Variants in TCF7L1 observed in about 807,000 individuals in gnomAD.
TCF7L1 encodes transcription factor 7-like 1.
A neutral mutation model predicts 63.7 loss-of-function variants in TCF7L1; 18 were observed. The observed-to-expected ratio is 0.28, with a 90% CI of 0.20 to 0.42. TCF7L1 has a LOEUF of 0.42. Among genes scored for constraint, TCF7L1 ranks in the 10% least tolerant of loss-of-function variants. TCF7L1 has a pLI of 1.00. For synonymous variants in TCF7L1, 355 were observed against 340.9 expected, an observed-to-expected ratio of 1.04 and a Z score of -0.46; for missense variants, 654 against 779.3, an observed-to-expected ratio of 0.84 and a Z score of 1.91.
intron 5 of TCF7L1, 82 bp from the exon 6 acceptor site, chr2:85,303,813 G>A (rs990074874): frequency 2.2e-5 from 24 of 1,082,082 alleles, no homozygotes; most frequent in Non-Finnish European, 3.3e-5. Context: ...AGGGACATAG[G>A]GCAGGATGCT....
rs6741339 is a variant in TCF7L1, at chr2:85,305,082, C to G, written c.846-178C>G. On this transcript the variant is annotated intron_variant, in intron 7 of 11. Transcript: ENST00000282111. ...GGGTGTTGGTGGGGAGAAGGAAGAG[C>G]CATTAAGCATCTCCCAAACCTGGTT... is the stretch of plus-strand genomic sequence containing the variant. Among the ~76,000 whole-genome samples the G allele has an allele frequency of 0.79, 120,055 of 152,028 alleles. 48,370 individuals carry two copies. Among genetic ancestry groups the G allele is most frequent in the East Asian group, 0.94 (4,847 of 5,168 alleles).
chr2:85,281,255 C>T (rs986298110), intron 3 of TCF7L1, among the ~76,000 whole-genome samples: 1 of 152,074 alleles, frequency 6.6e-6, no homozygotes, highest in Non-Finnish European at 1.5e-5. Context: ...GAACTCTTGA[C>T]CTCGAATGAT....
chr2:85,230,931 A>G (rs6751795), intron 3 of TCF7L1, among the ~76,000 whole-genome samples: 13,126 of 152,220 alleles, frequency 0.086, 1,020 homozygotes, highest in African/African-American at 0.21. Context: ...ACAAATGCCT[A>G]AAACTTTCCA....
chr2:85,305,460 G>A (rs1682084978), intron 8 of TCF7L1, 57 bp downstream of exon 8: 5 of 1,550,702 alleles, frequency 3.2e-6, no homozygotes, highest in Non-Finnish European at 3.5e-6. Context: ...GGGAGGGGTG[G>A]CCACACTCTG....
intron 3 of TCF7L1, among the ~76,000 whole-genome samples, chr2:85,169,149 ACT>A (rs1449170265): frequency 1.3e-5 from 2 of 151,904 alleles, no homozygotes; most frequent in Non-Finnish European, 2.9e-5. Flanking sequence ...TCCCTGTGTA[ACT>A]CTCAAGGCTT....
At position 85,133,655 on chromosome 2, in the gene TCF7L1, A is replaced by G. The variant is rs1387143108; in HGVS notation, c.-30A>G. ...AGGGCGCGGGCGGCTAGGGGCTCCGAGAGCGGCGGCCCCGGCCCGCGGCCC... is the reference window on the plus strand; with the variant it reads ...AGGGCGCGGGCGGCTAGGGGCTCCGGGAGCGGCGGCCCCGGCCCGCGGCCC... On this transcript the variant is annotated 5_prime_UTR_variant, in exon 1 of 12. Transcript: ENST00000282111. The surrounding 1 kb of genome is among the most constrained non-coding windows in gnomAD (Gnocchi z 4.4). 5.6e-6 allele frequency: 5 copies of G among 899,050 alleles called. No homozygotes were observed. The African/African-American group carries it at 9.1e-5, about 16-fold the overall frequency. The allele number at this position is 899,050 out of a possible 1,614,324, so 55.7% of individuals were successfully genotyped here. A position where few individuals can be genotyped will look rare whatever the true frequency, so the allele number is the denominator to read the frequency against.
At position 85,306,109 on chromosome 2, in the gene TCF7L1, C is replaced by G; in HGVS notation, c.990-97C>G. On this transcript the variant is annotated intron_variant, in intron 8 of 11. Transcript: ENST00000282111. The surrounding 1 kb of genome is among the most constrained non-coding windows in gnomAD (Gnocchi z 4.3). ...AATTAGCATCCAGGCAGCCCGCGCCCCTCCCCAGAGACAATCAGCGGTGTT... is the reference window on the plus strand; with the variant it reads ...AATTAGCATCCAGGCAGCCCGCGCCGCTCCCCAGAGACAATCAGCGGTGTT... The G allele has an allele frequency of 6.6e-7, 1 of 1,506,032 alleles. No individual in the cohort carries two copies. Among genetic ancestry groups the G allele is most frequent in the African/African-American group, 1.4e-5 (1 of 72,732 alleles). The allele number at this position is 1,506,032 out of a possible 1,614,324, so 93.3% of individuals were successfully genotyped here.
At chr2:85,226,813 C>T (rs201003548) in intron 3 of TCF7L1, among the ~76,000 whole-genome samples, 4 of 147,678 alleles carry the variant, frequency 2.7e-5, no homozygotes, top group Admixed American at 1.3e-4. Flanking sequence ...TATCTCCCCC[C>T]GCCTTTTTTT....
At chr2:85,197,437 A>C (rs563655842) in intron 3 of TCF7L1, among the ~76,000 whole-genome samples, 113 of 152,320 alleles carry the variant, frequency 7.4e-4, no homozygotes, top group African/African-American at 2.6e-3. Flanking sequence ...GGGGTGGCAC[A>C]AATAGGCAGA....
In TCF7L1 at chr2:85,134,170, G is replaced by T; in HGVS notation, c.313+91G>T. 2 of 1,547,764 alleles carry T rather than the reference G, an allele frequency of 1.3e-6. No individual in the cohort carries two copies. The highest frequency in any genetic ancestry group is 8.7e-7 in the Non-Finnish European group (1 of 1,143,502). ...GGCCCACCGTCCCCCTTGCTTGGGTGGACGCACCCTTGCCCTCCGCCTTTA... is the reference window on the plus strand; with the variant it reads ...GGCCCACCGTCCCCCTTGCTTGGGTTGACGCACCCTTGCCCTCCGCCTTTA... On this transcript the variant is annotated intron_variant, in intron 2 of 11. Coordinates refer to ENST00000282111, the MANE Select transcript of TCF7L1 (RefSeq NM_031283.3). The surrounding 1 kb of genome is among the most constrained non-coding windows in gnomAD (Gnocchi z 5.0).
At chr2:85,194,497 T>C (rs1299906523) in intron 3 of TCF7L1, among the ~76,000 whole-genome samples, 1 of 152,130 alleles carries the variant, frequency 6.6e-6, no homozygotes, top group Non-Finnish European at 1.5e-5. Flanking sequence ...AGGAGAAATA[T>C]GAATTTGGAC....
At chr2:85,217,822 C>G (rs1264559376) in intron 3 of TCF7L1, among the ~76,000 whole-genome samples, 1 of 152,088 alleles carries the variant, frequency 6.6e-6, no homozygotes, top group East Asian at 1.9e-4. Flanking sequence ...TCTGACATGC[C>G]CCAGTCAGCA....
intron 4 of TCF7L1, among the ~76,000 whole-genome samples, chr2:85,298,112 C>T (rs1420772024): frequency 7.4e-6 from 1 of 135,970 alleles, no homozygotes; most frequent in Non-Finnish European, 1.5e-5. Flanking sequence ...CATGTGCCAC[C>T]ACGCCTGGCT....
chr2:85,238,825 ATTTATTTT>A (rs1450508639), intron 3 of TCF7L1, among the ~76,000 whole-genome samples: 1 of 81,446 alleles, frequency 1.2e-5, no homozygotes, highest in Non-Finnish European at 2.5e-5. Context: ...TTATTTATTT[ATTTATTTT>A]TCTTGAGACA....
At chr2:85,276,187 G>C (rs1681265428) in intron 3 of TCF7L1, among the ~76,000 whole-genome samples, 1 of 152,182 alleles carries the variant, frequency 6.6e-6, no homozygotes, top group Non-Finnish European at 1.5e-5. Context: ...TCCCAATTGG[G>C]AAAGCTTTTC....
intron 4 of TCF7L1, among the ~76,000 whole-genome samples, chr2:85,297,282 A>G (rs1300506616): frequency 3.3e-5 from 5 of 152,092 alleles, no homozygotes; most frequent in Non-Finnish European, 7.4e-5. Flanking sequence ...TCTCTCTCCT[A>G]TTGCCCTGCA....
intron 3 of TCF7L1, among the ~76,000 whole-genome samples, chr2:85,220,696 A>G (rs1679822553): frequency 6.6e-6 from 1 of 152,246 alleles, no homozygotes; most frequent in Non-Finnish European, 1.5e-5. Context: ...AGTTTATTCC[A>G]TAACTATAAA....
intron 3 of TCF7L1, among the ~76,000 whole-genome samples, chr2:85,226,720 G>A (rs996408871): frequency 6.6e-6 from 1 of 151,802 alleles, no homozygotes; most frequent in Non-Finnish European, 1.5e-5. Flanking sequence ...TGATCCCAGA[G>A]CCATCTCTCA....
chr2:85,236,915 C>T (rs533226627), intron 3 of TCF7L1, among the ~76,000 whole-genome samples: 4 of 152,290 alleles, frequency 2.6e-5, no homozygotes, highest in East Asian at 3.9e-4. Flanking sequence ...TCTACCACCA[C>T]GGGGCGAGGG....
Sources: gnomAD v4.1 joint callset for allele counts (sites outside exome capture counted in the v4.1 genomes callset) on GRCh38, gnomAD v4.1.1 for gene constraint, Gnocchi (gnomAD v3.1) non-coding constraint, MANE v1.5 for transcripts, NCBI Gene and HGNC (gene_info 2026-07-23, HGNC 2026-07-21) for gene names.